The following COL24A1 variants were observed in gnomAD, a reference collection of about 807,000 sequenced individuals.
COL24A1 encodes the protein collagen type XXIV alpha 1 chain.
In COL24A1, 224 loss-of-function variants were observed where a neutral mutation model predicts 253.9. That is an observed-to-expected ratio of 0.88 (90% CI 0.79 to 0.99). The LOEUF is 0.99. Among genes scored for constraint, COL24A1 ranks in the 50% least tolerant of loss-of-function variants. The probability of loss-of-function intolerance (pLI) is 0.00; values close to 1 mark genes in which losing one functional copy is unlikely to be tolerated. For synonymous variants in COL24A1, 685 were observed against 673.7 expected, an observed-to-expected ratio of 1.02 and a Z score of -0.26; for missense variants, 2,131 against 2,068.5, an observed-to-expected ratio of 1.03 and a Z score of -0.59.
chr1:86,082,306 C>T (rs1702698432), intron 7 of COL24A1, among the ~76,000 whole-genome samples: 1 of 152,128 alleles, frequency 6.6e-6, no homozygotes, highest in Non-Finnish European at 1.5e-5. Context: ...AGCTTTATCT[C>T]TTGACACCTC....
intron 24 of COL24A1, among the ~76,000 whole-genome samples, chr1:85,940,913 A>T (rs1432782901): frequency 6.6e-6 from 1 of 152,124 alleles, no homozygotes; most frequent in African/African-American, 2.4e-5. Flanking sequence ...CCTGCACTAA[A>T]TTTGCCTGGC....
intron 2 of COL24A1, among the ~76,000 whole-genome samples, chr1:86,127,807 T>C (rs958995404): frequency 6.6e-6 from 1 of 152,106 alleles, no homozygotes; most frequent in Non-Finnish European, 1.5e-5. Context: ...GAGAATCTCA[T>C]TTCCCAAGTC....
At chr1:86,037,702 C>T (rs1699144747) in intron 12 of COL24A1, among the ~76,000 whole-genome samples, 1 of 152,112 alleles carries the variant, frequency 6.6e-6, no homozygotes, top group Non-Finnish European at 1.5e-5. Flanking sequence ...AGATTCCTGA[C>T]CCATGAAAAC....
chr1:86,046,361 A>G (rs899320701), intron 12 of COL24A1, among the ~76,000 whole-genome samples: 13 of 152,158 alleles, frequency 8.5e-5, no homozygotes, highest in Non-Finnish European at 5.9e-5. Context: ...ATTACCTAGT[A>G]AAATTCACTT....
chr1:86,035,390 G>A (rs1698914845), intron 12 of COL24A1, among the ~76,000 whole-genome samples: 1 of 152,154 alleles, frequency 6.6e-6, no homozygotes. Flanking sequence ...ACTACAGTAA[G>A]TCTGAAACAT....
chr1:86,110,825 C>T (rs1487606582), intron 5 of COL24A1, among the ~76,000 whole-genome samples: 1 of 151,966 alleles, frequency 6.6e-6, no homozygotes, highest in African/African-American at 2.4e-5. Context: ...GACCCCCGCC[C>T]CCCACACCCC....
chr1:85,802,561 TTATCTC>T (rs1671545199), intron 47 of COL24A1, among the ~76,000 whole-genome samples: 1 of 152,182 alleles, frequency 6.6e-6, no homozygotes, highest in Non-Finnish European at 1.5e-5. Context: ...GATAAGATAT[TTATCTC>T]TATATACCTA....
intron 24 of COL24A1, 104 bp from the exon 25 acceptor site, chr1:85,911,537 C>T: frequency 2.2e-6 from 2 of 924,316 alleles, no homozygotes; most frequent in Non-Finnish European, 3.5e-6. Flanking sequence ...TCTAACTTAT[C>T]CTAAATGTTA....
At chr1:86,015,342 T>C (rs1696891302) in intron 19 of COL24A1, among the ~76,000 whole-genome samples, 1 of 152,234 alleles carries the variant, frequency 6.6e-6, no homozygotes, top group Non-Finnish European at 1.5e-5. Flanking sequence ...CAGGACCTTA[T>C]ATTAGTGGTG....
At chr1:85,785,597 G>A (rs181215185) in intron 48 of COL24A1, among the ~76,000 whole-genome samples, 4 of 152,268 alleles carry the variant, frequency 2.6e-5, no homozygotes, top group Admixed American at 2.6e-4. Flanking sequence ...TAGCACAAAG[G>A]AATATTCATG....
At chr1:85,771,916 A>T (rs2101335356) in intron 53 of COL24A1, among the ~76,000 whole-genome samples, 1 of 148,328 alleles carries the variant, frequency 6.7e-6, no homozygotes, top group East Asian at 2.0e-4. Context: ...GTCATCTAGC[A>T]TTAGGTATAT....
chr1:85,854,281 TG>T (rs748615548), intron 37 of COL24A1, among the ~76,000 whole-genome samples: 2 of 152,176 alleles, frequency 1.3e-5, no homozygotes, highest in African/African-American at 2.4e-5. Context: ...TGTAGTTGTG[TG>T]GCTTTATTTC....
intron 32 of COL24A1, among the ~76,000 whole-genome samples, chr1:85,886,062 A>G (rs1266122154): frequency 6.6e-6 from 1 of 151,820 alleles, no homozygotes; most frequent in Non-Finnish European, 1.5e-5. Flanking sequence ...TTCCACACAC[A>G]ATAACTTTTT....
chr1:86,144,543 A>T (rs1572070255), intron 2 of COL24A1, among the ~76,000 whole-genome samples: 1 of 152,106 alleles, frequency 6.6e-6, no homozygotes, highest in Non-Finnish European at 1.5e-5. Context: ...CCTACTCTGC[A>T]GGTTCATTAT....
chr1:86,005,427 CA>C (rs1695856435), intron 19 of COL24A1, among the ~76,000 whole-genome samples: 2 of 149,966 alleles, frequency 1.3e-5, no homozygotes, highest in Non-Finnish European at 3.0e-5. Flanking sequence ...TTAACAAAAT[CA>C]AAACTGAAAA....
chr1:85,957,244 G>A (rs564095695), intron 24 of COL24A1, among the ~76,000 whole-genome samples: 4 of 152,228 alleles, frequency 2.6e-5, no homozygotes, highest in Non-Finnish European at 5.9e-5. Flanking sequence ...AATGCATGCA[G>A]GGTTTAAAAC....
intron 47 of COL24A1, among the ~76,000 whole-genome samples, chr1:85,800,726 C>A (rs1296704024): frequency 6.6e-6 from 1 of 152,138 alleles, no homozygotes; most frequent in Non-Finnish European, 1.5e-5. Flanking sequence ...ACTGCCACCA[C>A]AACAGACTCT....
At chr1:85,910,564 A>C (rs1685267822) in intron 25 of COL24A1, among the ~76,000 whole-genome samples, 1 of 151,988 alleles carries the variant, frequency 6.6e-6, no homozygotes, top group Admixed American at 6.6e-5. Flanking sequence ...AGAAGATTTA[A>C]CTCAGCACAG....
intron 20 of COL24A1, among the ~76,000 whole-genome samples, chr1:85,974,569 G>A (rs1201313299): frequency 6.6e-6 from 1 of 152,070 alleles, no homozygotes; most frequent in Non-Finnish European, 1.5e-5. Flanking sequence ...TTTATAGATG[G>A]TAAAAGCATG....
Sources: allele counts gnomAD v4.1 joint callset (sites outside exome capture counted in the v4.1 genomes callset), GRCh38; gene constraint gnomAD v4.1.1; transcripts MANE v1.5; gene names NCBI Gene and HGNC (gene_info 2026-07-23, HGNC 2026-07-21).